UGGT1: variants seen among roughly 807,000 people sequenced by gnomAD.
UGGT1 encodes the protein UDP-glucose glycoprotein glucosyltransferase 1.
A neutral mutation model predicts 203.9 loss-of-function variants in UGGT1; 107 were observed. The ratio of observed to expected loss-of-function variants is 0.52; its 90% confidence interval spans 0.45 to 0.62. The LOEUF (loss-of-function observed/expected upper bound fraction) is 0.62. UGGT1 is among the 20% of genes least tolerant of loss of function. The pLI is 0.00. For missense variants in UGGT1, 1,673 were observed against 1,867.2 expected (o/e 0.90, Z 1.92); for synonymous variants, 628 against 653.5 (o/e 0.96, Z 0.59).
chr2:128,113,186 C>G lies in UGGT1; in HGVS notation c.624C>G (p.Ser208=). 6.2e-7 allele frequency: 1 copy of G among 1,613,226 alleles called. No homozygotes were observed. The highest frequency in any genetic ancestry group is 8.5e-7 in the Non-Finnish European group (1 of 1,179,530). The part of the protein sequence containing the change: ...FYSEIGSEEF[S]NFHRQLISKS... Reference sequence around the variant, plus strand: ...CTGAGATTGGCTCTGAGGAATTTTCCAATTTTCACCGCCAGCTTATATCAA... The same window carrying G: ...CTGAGATTGGCTCTGAGGAATTTTCGAATTTTCACCGCCAGCTTATATCAA... The change falls in exon 6 of 41, where the codon TCC becomes TCG. Residue 208 remains serine (S), a synonymous_variant. Coordinates refer to ENST00000259253, the MANE Select transcript of UGGT1 (RefSeq NM_020120.4).
At chr2:128,156,199 C>T (rs1345387598) in intron 20 of UGGT1, among the ~76,000 whole-genome samples, 193 bp from the exon 21 acceptor site, 5 of 152,140 alleles carry the variant, frequency 3.3e-5, no homozygotes, top group African/African-American at 9.7e-5. Flanking sequence ...AAAGTACAAG[C>T]AATTACTCCA....
At chr2:128,124,484 A>T (rs1417770928) in intron 11 of UGGT1, among the ~76,000 whole-genome samples, 1 of 152,056 alleles carries the variant, frequency 6.6e-6, no homozygotes, top group East Asian at 1.9e-4. Context: ...CTGTACTGTT[A>T]GGTGGTTCGT....
Position 128,116,447 on chromosome 2 carries a change from C to G in UGGT1, c.872+104C>G, listed in dbSNP as rs1029213465. The G allele has an allele frequency of 4.2e-6, 3 of 721,908 alleles. No individual in the cohort carries two copies. The East Asian group carries it at 7.7e-5, about 19-fold the overall frequency. 44.7% of individuals were successfully genotyped at this position (721,908 alleles called of 1,614,324 possible). ...CTTACTCATTACTGTCTGAGTTTCT[C>G]ATCTCCTAACAGTACTTTATGTATG... On this transcript the variant is annotated intron_variant, in intron 8 of 40. Transcript: ENST00000259253.
Position 128,129,088 on chromosome 2 carries a change from T to C in UGGT1, c.1286T>C (p.Ile429Thr), listed in dbSNP as rs761708516. ...RVMEGLHRLG[I>T]EGLSLHNVLK... is the part of the protein sequence containing the mutation. The stretch of plus-strand genomic sequence containing the variant: ...ATGGAGGGTCTGCATAGATTGGGAA[T>C]AGAAGGCCTTTCTCTGCATAATGTT... Residue 429 changes from isoleucine to threonine, a missense_variant, in exon 13 of 41, where the codon ATA (isoleucine) becomes ACA (threonine). This residue lies in a region of UGGT1 where 1,073 missense variants were observed against 1,078.7 expected (regional missense o/e 0.99). Coordinates refer to ENST00000259253, the MANE Select transcript of UGGT1 (RefSeq NM_020120.4). 10 of 1,614,004 alleles carry C rather than the reference T, an allele frequency of 6.2e-6. No homozygotes were observed. Among genetic ancestry groups the C allele is most frequent in the Non-Finnish European group, 1.7e-6 (2 of 1,180,018 alleles).
At chr2:128,182,376 A>G in intron 37 of UGGT1, 86 bp downstream of exon 37, 1 of 1,441,928 alleles carries the variant, frequency 6.9e-7, no homozygotes, top group Non-Finnish European at 9.3e-7. Flanking sequence ...TAGGTAATAC[A>G]TTGGTATGGT....
rs1383844507 is a variant in UGGT1, at chr2:128,091,241, C to A, written c.-117C>A. 2.3e-5 allele frequency: 27 copies of A among 1,175,302 alleles called. No homozygotes were observed. The East Asian group carries it at 6.8e-4, about 30-fold the overall frequency. The allele number at this position is 1,175,302 out of a possible 1,614,324, so 72.8% of individuals were successfully genotyped here. ...TGCGAGGCTGGGTGTTGAGTCGAGC[C>A]GCGGGAAAGGCGCGTGTCGGCCTCT... On this transcript the variant is annotated 5_prime_UTR_variant, in exon 1 of 41. Coordinates refer to ENST00000259253, the MANE Select transcript of UGGT1 (RefSeq NM_020120.4).
chr2:128,098,183 C>T (rs1419422942), intron 2 of UGGT1, among the ~76,000 whole-genome samples: 2 of 152,100 alleles, frequency 1.3e-5, no homozygotes, highest in Non-Finnish European at 1.5e-5. Context: ...AAATTTTCTC[C>T]TTATTTGAAG....
chr2:128,123,637 C>A (rs1688480667), intron 11 of UGGT1, among the ~76,000 whole-genome samples: 1 of 152,186 alleles, frequency 6.6e-6, no homozygotes, highest in Non-Finnish European at 1.5e-5. Context: ...TCTTTCACTG[C>A]CTCCCCCTCA....
At position 128,149,348 on chromosome 2, in the gene UGGT1, C is replaced by T. The variant is rs183342157; in HGVS notation, c.2016+3381C>T. Among the ~76,000 whole-genome samples, 426 of 149,368 alleles carry T rather than the reference C, an allele frequency of 2.9e-3. 4 individuals carry two copies. The highest frequency in any genetic ancestry group is 9.9e-3 in the African/African-American group (408 of 41,016). On this transcript the variant is annotated intron_variant, in intron 18 of 40. Transcript: ENST00000259253. Reference sequence around the variant, plus strand: ...TGAGCCATCGTGCCTGGCCAGTATTCCATTATAAAAAATAGGCCGGGCGCG... The same window carrying T: ...TGAGCCATCGTGCCTGGCCAGTATTTCATTATAAAAAATAGGCCGGGCGCG...
intron 22 of UGGT1, among the ~76,000 whole-genome samples, chr2:128,157,873 G>A (rs1690317062): frequency 6.6e-6 from 1 of 152,188 alleles, no homozygotes; most frequent in African/African-American, 2.4e-5. Flanking sequence ...TGATTCTTCT[G>A]GAGAGTGTCA....
chr2:128,157,214 C>T, intron 21 of UGGT1, 38 bp from the exon 22 acceptor site: 1 of 1,424,580 alleles, frequency 7.0e-7, no homozygotes. Context: ...ATGTGCTTCT[C>T]TCCTCTGACT....
chr2:128,098,763 A>AT (rs1553431058), intron 2 of UGGT1, among the ~76,000 whole-genome samples: 1 of 151,910 alleles, frequency 6.6e-6, no homozygotes, highest in East Asian at 1.9e-4. Context: ...AAAAAAAAAA[A>AT]GGGAAAGAAG....
chr2:128,178,352 C>G, intron 33 of UGGT1, 116 bp from the exon 34 acceptor site: 1 of 885,960 alleles, frequency 1.1e-6, no homozygotes, highest in Non-Finnish European at 1.8e-6. Context: ...ACCACTCCTG[C>G]TGCAGCTCAC....
At chr2:128,172,398 A>T (rs900948071) in intron 28 of UGGT1, among the ~76,000 whole-genome samples, 175 bp from the exon 29 acceptor site, 1 of 152,208 alleles carries the variant, frequency 6.6e-6, no homozygotes, top group Non-Finnish European at 1.5e-5. Flanking sequence ...CATCTGCAGC[A>T]ACCACAAGGA....
intron 15 of UGGT1, among the ~76,000 whole-genome samples, chr2:128,138,400 A>T (rs1689244839): frequency 6.6e-6 from 1 of 152,102 alleles, no homozygotes; most frequent in Non-Finnish European, 1.5e-5. Flanking sequence ...GTATAATCGC[A>T]GCTACTTGGG....
intron 24 of UGGT1, among the ~76,000 whole-genome samples, 182 bp from the exon 25 acceptor site, chr2:128,160,956 A>G (rs1294312618): frequency 6.6e-6 from 1 of 152,216 alleles, no homozygotes; most frequent in Non-Finnish European, 1.5e-5. Context: ...AATAACTACA[A>G]GTATTTGCTT....
chr2:128,111,948 G>C (rs1573510740), intron 5 of UGGT1, among the ~76,000 whole-genome samples: 1 of 151,494 alleles, frequency 6.6e-6, no homozygotes, highest in East Asian at 2.0e-4. Context: ...AGACCAGCCT[G>C]GGCAACATGA....
At chr2:128,129,007 C>G in intron 12 of UGGT1, 22 bp from the exon 13 acceptor site, 1 of 1,515,062 alleles carries the variant, frequency 6.6e-7, no homozygotes, top group Non-Finnish European at 8.8e-7. Context: ...TAGTAAATAT[C>G]TCTTTTTGTT....
intron 38 of UGGT1, among the ~76,000 whole-genome samples, chr2:128,184,727 A>C (rs1339158508): frequency 6.6e-6 from 1 of 152,068 alleles, no homozygotes; most frequent in East Asian, 1.9e-4. Flanking sequence ...CCCAGGCTGG[A>C]GTGCAGTGGC....
Sources: allele counts gnomAD v4.1 joint callset (sites outside exome capture counted in the v4.1 genomes callset), GRCh38; gene constraint gnomAD v4.1.1; regional missense constraint gnomAD v4.1.1; transcripts MANE v1.5; gene names NCBI Gene and HGNC (gene_info 2026-07-23, HGNC 2026-07-21).